The following SYNPR variants were observed in gnomAD, a reference collection of about 807,000 sequenced individuals.
SYNPR encodes the protein synaptoporin.
Under a neutral mutation model 32.9 loss-of-function variants are expected in SYNPR, and 23 were observed. That is an observed-to-expected ratio of 0.70 (90% confidence interval 0.50 to 0.99). The LOEUF (loss-of-function observed/expected upper bound fraction) is 0.99. SYNPR is among the 50% of genes least tolerant of loss of function. The pLI, the probability that SYNPR is intolerant of heterozygous loss-of-function variation, is 0.00. For synonymous variants in SYNPR, 146 were observed against 135.9 expected, an observed-to-expected ratio of 1.07 and a Z score of -0.52; for missense variants, 318 against 349.3, an observed-to-expected ratio of 0.91 and a Z score of 0.71.
intron 2 of SYNPR, among the ~76,000 whole-genome samples, chr3:63,293,270 A>T (rs974408273): frequency 1.3e-5 from 2 of 152,124 alleles, no homozygotes; most frequent in Non-Finnish European, 2.9e-5. Flanking sequence ...TGCCTTTCCC[A>T]TGTCTGCTTT....
At chr3:63,571,196 T>C (rs1005803090) in intron 4 of SYNPR, among the ~76,000 whole-genome samples, 1 of 152,182 alleles carries the variant, frequency 6.6e-6, no homozygotes, top group Non-Finnish European at 1.5e-5. Flanking sequence ...CTAAAATGTA[T>C]GGGAAATCTA....
rs542562287 is a variant in SYNPR at position 63,492,417 on chromosome 3, G to C, written c.209+11461G>C. On this transcript the variant is annotated intron_variant, in intron 3 of 5. Transcript: ENST00000478300. ...AGAACTTGACCTTGGCCAGGAACCT[G>C]GTAGTGCCCCAGCCACTGCTGCTCC... Among the ~76,000 whole-genome samples the C allele has an allele frequency of 1.6e-4, 24 of 152,312 alleles. No homozygotes were observed. The South Asian group carries it at 2.9e-3, about 18-fold the overall frequency.
chr3:63,246,281 TC>T (rs1227434345), intron 1 of SYNPR, among the ~76,000 whole-genome samples: 1 of 152,034 alleles, frequency 6.6e-6, no homozygotes, highest in African/African-American at 2.4e-5. Context: ...CTCCCTGGAG[TC>T]CCCCAGATAC....
chr3:63,489,889 G>T (rs950353236), intron 3 of SYNPR, among the ~76,000 whole-genome samples: 4 of 152,114 alleles, frequency 2.6e-5, no homozygotes, highest in South Asian at 4.1e-4. Flanking sequence ...CATGGGCATG[G>T]CCTTTAGAGA....
At position 63,230,350 on chromosome 3, in the gene SYNPR, T is replaced by C. The variant is rs57597785; in HGVS notation, n.66+1970T>C. On this transcript the variant is annotated intron_variant and non_coding_transcript_variant, in intron 1 of 4. Coordinates refer to the SYNPR transcript ENST00000478456. The stretch of plus-strand genomic sequence containing the variant: ...AAGGATTCTGATCTGCTACAGTAAA[T>C]AGAGCATGAAAATCAGGTCTGGCTT... Among the ~76,000 whole-genome samples the C allele has an allele frequency of 8.6e-3, 1,306 of 152,288 alleles. 12 individuals carry two copies. Among genetic ancestry groups the C allele is most frequent in the East Asian group, 0.051 (265 of 5,180 alleles).
At position 63,595,743 on chromosome 3, in the gene SYNPR, A is replaced by AC. The variant is rs1167949976; in HGVS notation, c.409-13382_409-13381insC. Among the ~76,000 whole-genome samples, 23 of 47,184 alleles carry AC rather than the reference A, an allele frequency of 4.9e-4. 1 individual carries two copies. The East Asian group carries it at 6.5e-3, about 13-fold the overall frequency. 31.0% of individuals were successfully genotyped at this position (47,184 alleles called of 152,430 possible). A position where few individuals can be genotyped will look rare whatever the true frequency, so the allele number is the denominator to read the frequency against. On this transcript the variant is annotated intron_variant, in intron 4 of 5. Transcript: ENST00000478300. The stretch of plus-strand genomic sequence containing the variant: ...TATATATATATATATATATATATAT[A>AC]TATATATATATATATATATATATAT...
intron 4 of SYNPR, among the ~76,000 whole-genome samples, chr3:63,594,198 A>G (rs886892307): frequency 1.3e-5 from 2 of 152,128 alleles, no homozygotes; most frequent in African/African-American, 2.4e-5. Flanking sequence ...CATTCAATAT[A>G]ATGAGGTTCA....
chr3:63,283,286 G>T (rs1323239170), intron 2 of SYNPR, among the ~76,000 whole-genome samples: 4 of 152,148 alleles, frequency 2.6e-5, no homozygotes, highest in Non-Finnish European at 5.9e-5. Context: ...AGGGTTCACG[G>T]ATACAGTAGA....
intron 4 of SYNPR, among the ~76,000 whole-genome samples, chr3:63,588,677 T>C (rs997279037): frequency 6.6e-6 from 1 of 152,124 alleles, no homozygotes; most frequent in South Asian, 2.1e-4. Context: ...TTGGAAAGGA[T>C]GCTATTTTCT....
intron 2 of SYNPR, among the ~76,000 whole-genome samples, chr3:63,325,739 T>C (rs903792965): frequency 6.6e-6 from 1 of 152,084 alleles, no homozygotes; most frequent in African/African-American, 2.4e-5. Context: ...CCTCCCATCA[T>C]TCTCGGTGGA....
chr3:63,461,464 T>G (rs1700583803), intron 2 of SYNPR, among the ~76,000 whole-genome samples: 1 of 152,136 alleles, frequency 6.6e-6, no homozygotes, highest in Non-Finnish European at 1.5e-5. Context: ...TACATCTTTG[T>G]CCTGGGCTTT....
chr3:63,263,637 G>C (rs1006188022), intron 2 of SYNPR, among the ~76,000 whole-genome samples: 33 of 152,276 alleles, frequency 2.2e-4, no homozygotes, highest in African/African-American at 7.7e-4. Flanking sequence ...TTCCAAAGTT[G>C]GTGAGTTGGT....
intron 4 of SYNPR, among the ~76,000 whole-genome samples, chr3:63,581,935 T>C (rs1703100411): frequency 6.6e-6 from 1 of 152,142 alleles, no homozygotes; most frequent in Non-Finnish European, 1.5e-5. Flanking sequence ...ACAGGTACCA[T>C]AATTTGGCTT....
intron 1 of SYNPR, among the ~76,000 whole-genome samples, chr3:63,251,034 T>G (rs1380288879): frequency 2.6e-5 from 4 of 152,154 alleles, no homozygotes; most frequent in Admixed American, 2.0e-4. Flanking sequence ...TTAAAAGTTG[T>G]GGTCTCTGGG....
chr3:63,296,615 G>A (rs2086793635), intron 2 of SYNPR, among the ~76,000 whole-genome samples: 1 of 152,142 alleles, frequency 6.6e-6, no homozygotes, highest in Admixed American at 6.5e-5. Flanking sequence ...AGTACATCTT[G>A]GGCCCAAACC....
At chr3:63,440,739 G>C (rs563232563) in intron 2 of SYNPR, among the ~76,000 whole-genome samples, 1 of 152,166 alleles carries the variant, frequency 6.6e-6, no homozygotes, top group Non-Finnish European at 1.5e-5. Flanking sequence ...GAGAAAAACA[G>C]AGACGTGGAC....
intron 3 of SYNPR, among the ~76,000 whole-genome samples, chr3:63,484,327 A>G (rs908276048): frequency 2.0e-5 from 3 of 152,190 alleles, no homozygotes; most frequent in African/African-American, 7.2e-5. Context: ...TATGAAATTT[A>G]CTTGATAACT....
chr3:63,270,882 TCC>T (rs2086528476), intron 3 of SYNPR, among the ~76,000 whole-genome samples: 2 of 90,114 alleles, frequency 2.2e-5, no homozygotes, highest in South Asian at 3.1e-4. Flanking sequence ...CTTCCTTCCT[TCC>T]TTCCTTCCTT....
chr3:63,594,472 G>A (rs1220424883), intron 4 of SYNPR, among the ~76,000 whole-genome samples: 3 of 152,066 alleles, frequency 2.0e-5, no homozygotes, highest in Non-Finnish European at 4.4e-5. Context: ...TTTTTGTTAT[G>A]AGCCTAAACA....
Sources: allele counts gnomAD v4.1 joint callset (sites outside exome capture counted in the v4.1 genomes callset), GRCh38; gene constraint gnomAD v4.1.1; transcripts MANE v1.5; gene names NCBI Gene and HGNC (gene_info 2026-07-23, HGNC 2026-07-21).